The following SYNGR2 variants were observed in gnomAD, a reference collection of about 807,000 sequenced individuals.
SYNGR2 encodes synaptogyrin 2.
In SYNGR2, 11 loss-of-function variants were observed where a neutral mutation model predicts 18.7. The ratio of observed to expected loss-of-function variants is 0.59; its 90% CI spans 0.37 to 0.97. SYNGR2 has a LOEUF of 0.97. Ranked by LOEUF, SYNGR2 falls within the 50% of genes least tolerant of loss-of-function variation. SYNGR2 has a pLI of 0.01. For missense variants in SYNGR2, 253 were observed against 300.7 expected (o/e 0.84, Z 1.17); for synonymous variants, 127 against 131.0 (o/e 0.97, Z 0.21).
chr17:78,171,340 C>T lies in SYNGR2; in HGVS notation c.338-170C>T, dbSNP rs1223297226. 2 of 839,382 alleles carry T rather than the reference C, an allele frequency of 2.4e-6. No homozygotes were observed. Among genetic ancestry groups the T allele is most frequent in the Non-Finnish European group, 1.8e-6 (1 of 556,792 alleles). The allele number at this position is 839,382 out of a possible 1,614,324, so 52.0% of individuals were successfully genotyped here. On this transcript the variant is annotated intron_variant, in intron 2 of 3. Transcript: ENST00000225777. The surrounding 1 kb of genome is among the most constrained non-coding windows in gnomAD (Gnocchi z 6.6). ...TGCTGTGGCCCACCCTGCCAAGGCC[C>T]GAGTGTGGGGGACTTTGGAGGTGGC...
Position 78,170,798 on chromosome 17 carries a change from G to A in SYNGR2, c.100-19G>A. 1 of 1,600,494 alleles carries A rather than the reference G, an allele frequency of 6.2e-7. No homozygotes were observed. The highest frequency in any genetic ancestry group is 8.5e-7 in the Non-Finnish European group (1 of 1,174,202). On this transcript the variant is annotated intron_variant, in intron 1 of 3. Transcript: ENST00000225777. ...CCTCAGGCGGCCACCAGCCCTACCA[G>A]GTCCTCCCCTCCCGGCAGGTCTTCG...
chr17:78,168,889 C>A lies in SYNGR2; in HGVS notation c.99+174C>A, dbSNP rs565386560. Among the ~76,000 whole-genome samples, 1,502 of 152,162 alleles carry A rather than the reference C, an allele frequency of 9.9e-3. 22 individuals carry two copies. Among genetic ancestry groups the A allele is most frequent in the African/African-American group, 0.034 (1,413 of 41,542 alleles). On this transcript the variant is annotated intron_variant, in intron 1 of 3. Coordinates refer to ENST00000225777, the MANE Select transcript of SYNGR2 (RefSeq NM_004710.7). The stretch of plus-strand genomic sequence containing the variant: ...GCCCCGCCTTCCCGCCCTCCACAGT[C>A]TGTCCCGCTGTCCCCTCCCGGTCCC...
chr17:78,171,566 G>A lies in SYNGR2; in HGVS notation c.394G>A (p.Val132Ile). 6.5e-7 allele frequency: 1 copy of A among 1,540,616 alleles called. No homozygotes were observed. Among genetic ancestry groups the A allele is most frequent in the Non-Finnish European group, 8.7e-7 (1 of 1,143,116 alleles). The change falls in exon 3 of 4, where the codon GTC (valine) becomes ATC (isoleucine). Residue 132 changes from valine (V) to isoleucine (I), a missense_variant. Val to Ile is a conservative substitution (Grantham distance 29). Transcript: ENST00000225777. The surrounding 1 kb of genome is among the most constrained non-coding windows in gnomAD (Gnocchi z 6.6). ...GFCFLTNQWAVTNPKDVLVGA... is the reference protein window; with the variant it reads ...GFCFLTNQWAITNPKDVLVGA... ...CTGCTTCCTCACCAACCAGTGGGCA[G>A]TCACCAACCCGAAGGACGTGCTGGT...
chr17:78,171,953 G>T lies in SYNGR2; in HGVS notation c.*17G>T. The T allele has an allele frequency of 6.2e-7, 1 of 1,611,396 alleles. No homozygotes were observed. Among genetic ancestry groups the T allele is most frequent in the Non-Finnish European group, 8.5e-7 (1 of 1,179,926 alleles). On this transcript the variant is annotated 3_prime_UTR_variant, in exon 4 of 4. Transcript: ENST00000225777. This position sits in a 1 kb window ranked among gnomAD's most constrained non-coding sequence, Gnocchi z 6.6. Reference sequence around the variant, plus strand: ...GTGTACTGAGCGGCGGTTAGCGTGGGAAGGGGGACAGAGAGGGCCCTCCCC... The same window carrying T: ...GTGTACTGAGCGGCGGTTAGCGTGGTAAGGGGGACAGAGAGGGCCCTCCCC...
intron 1 of SYNGR2, among the ~76,000 whole-genome samples, chr17:78,169,404 C>T (rs1047680939): frequency 1.3e-5 from 2 of 152,072 alleles, no homozygotes; most frequent in Admixed American, 6.5e-5. Flanking sequence ...TCCTCCAGGG[C>T]GCCCACACCA....
intron 1 of SYNGR2, chr17:78,169,271 T>TGG (rs200608047): frequency 5.4e-4 from 44 of 80,908 alleles, no homozygotes; most frequent in Admixed American, 3.0e-3. Context: ...TGTGTGTGTG[T>TGG]GTGGCGGGGA....
chr17:78,171,664 G>A lies in SYNGR2; in HGVS notation c.477+15G>A, dbSNP rs758527440. 137 of 1,606,360 alleles carry A rather than the reference G, an allele frequency of 8.5e-5. No individual in the cohort carries two copies. Among genetic ancestry groups the A allele is most frequent in the South Asian group, 1.2e-4 (11 of 90,890 alleles). Reference sequence around the variant, plus strand: ...TCTTCTCCTGGGTAGGATGGCCAGGGGCCGGTTCTTGGGTCAAGGGTGGTG... The same window carrying A: ...TCTTCTCCTGGGTAGGATGGCCAGGAGCCGGTTCTTGGGTCAAGGGTGGTG... On this transcript the variant is annotated intron_variant, in intron 3 of 3. Transcript: ENST00000225777. The surrounding 1 kb of genome is among the most constrained non-coding windows in gnomAD (Gnocchi z 6.6).
Position 78,171,820 on chromosome 17 carries a change from G to T in SYNGR2, c.559G>T (p.Asp187Tyr). 1 of 1,614,088 alleles carries T rather than the reference G, an allele frequency of 6.2e-7. No individual in the cohort carries two copies. Among genetic ancestry groups the T allele is most frequent in the Non-Finnish European group, 8.5e-7 (1 of 1,179,998 alleles). Residue 187 changes from aspartate to tyrosine, a missense_variant, in exon 4 of 4, where the codon GAC becomes TAC. Physicochemically the swap from Asp to Tyr is radical, Grantham distance 160. Coordinates refer to ENST00000225777, the MANE Select transcript of SYNGR2 (RefSeq NM_004710.7). This position sits in a 1 kb window ranked among gnomAD's most constrained non-coding sequence, Gnocchi z 6.6. Reference sequence around the variant, plus strand: ...CCAGAATTACGTTGACCCCACTCCGGACCCCAACACTGCCTACGCCTCCTA... The same window carrying T: ...CCAGAATTACGTTGACCCCACTCCGTACCCCAACACTGCCTACGCCTCCTA... ...FIQNYVDPTP[D>Y]PNTAYASYPG...
Position 78,168,733 on chromosome 17 carries a change from G to C in SYNGR2, c.99+18G>C. 2 of 1,194,414 alleles carry C rather than the reference G, an allele frequency of 1.7e-6. No individual in the cohort carries two copies. The highest frequency in any genetic ancestry group is 2.1e-6 in the Non-Finnish European group (2 of 963,924). The allele number at this position is 1,194,414 out of a possible 1,614,324, so 74.0% of individuals were successfully genotyped here. A position where few individuals can be genotyped will look rare whatever the true frequency, so the allele number is the denominator to read the frequency against. On this transcript the variant is annotated intron_variant, in intron 1 of 3. Coordinates refer to ENST00000225777, the MANE Select transcript of SYNGR2 (RefSeq NM_004710.7). The stretch of plus-strand genomic sequence containing the variant: ...TGTGCTTGGTGAGCCCGGGGAGGGC[G>C]GGCCGAGGGCACCCTGGGGACCCCC...
At position 78,170,545 on chromosome 17, in the gene SYNGR2, G is replaced by A. The variant is rs140179687; in HGVS notation, c.100-272G>A. On this transcript the variant is annotated intron_variant, in intron 1 of 3. Coordinates refer to ENST00000225777, the MANE Select transcript of SYNGR2 (RefSeq NM_004710.7). ...GAAACCCTATCTCTACTAAAAATAC[G>A]GGTGTGGTGGAGGGCACCTGTAATC... 3.2e-3 allele frequency: 1,394 copies of A among 441,012 alleles called. 20 individuals are homozygous for A. Among genetic ancestry groups the A allele is most frequent in the African/African-American group, 0.025 (1,259 of 50,546 alleles). 27.3% of individuals were successfully genotyped at this position (441,012 alleles called of 1,614,324 possible).
chr17:78,170,812 G>T lies in SYNGR2; in HGVS notation c.100-5G>T. 1.2e-6 allele frequency: 2 copies of T among 1,604,098 alleles called. No homozygotes were observed. Among genetic ancestry groups the T allele is most frequent in the South Asian group, 2.2e-5 (2 of 90,968 alleles). ...CAGCCCTACCAGGTCCTCCCCTCCC[G>T]GCAGGTCTTCGCCTTGATCGTGTTC... On this transcript the variant is annotated splice_region_variant and splice_polypyrimidine_tract_variant and intron_variant, in intron 1 of 3. Coordinates refer to ENST00000225777, the MANE Select transcript of SYNGR2 (RefSeq NM_004710.7).
chr17:78,171,781 G>A lies in SYNGR2; in HGVS notation c.520G>A (p.Val174Met), dbSNP rs369491388. 31 of 1,613,970 alleles carry A rather than the reference G, an allele frequency of 1.9e-5. No homozygotes were observed. Among genetic ancestry groups the A allele is most frequent in the Non-Finnish European group, 2.2e-5 (26 of 1,180,010 alleles). The change falls in exon 4 of 4, where the codon GTG becomes ATG. Residue 174 changes from valine to methionine, a missense_variant. Val to Met is a conservative substitution (Grantham distance 21). Coordinates refer to ENST00000225777, the MANE Select transcript of SYNGR2 (RefSeq NM_004710.7). The surrounding 1 kb of genome is among the most constrained non-coding windows in gnomAD (Gnocchi z 6.6). ...SLAYQRYKAG[V>M]DDFIQNYVDP... ...GGCCTACCAGCGCTACAAGGCTGGCGTGGACGACTTCATCCAGAATTACGT... is the reference window on the plus strand; with the variant it reads ...GGCCTACCAGCGCTACAAGGCTGGCATGGACGACTTCATCCAGAATTACGT...
chr17:78,172,314 G>A lies in SYNGR2; in HGVS notation c.*378G>A, dbSNP rs1336454405. 1.7e-5 allele frequency: 8 copies of A among 461,434 alleles called. No individual in the cohort carries two copies. The highest frequency in any genetic ancestry group is 3.6e-5 in the East Asian group (1 of 28,048). The allele number at this position is 461,434 out of a possible 1,614,324, so 28.6% of individuals were successfully genotyped here. ...GGCCGTGGGAGCCGCTATTATCTGC[G>A]TTCTCTGCCAAAGACTCGTGGGGGC... On this transcript the variant is annotated 3_prime_UTR_variant, in exon 4 of 4. Transcript: ENST00000225777.
chr17:78,170,717 A>G, intron 1 of SYNGR2, 100 bp from the exon 2 acceptor site: 2 of 974,690 alleles, frequency 2.1e-6, no homozygotes, highest in Non-Finnish European at 3.1e-6. Context: ...AGGGGACAGC[A>G]GTAGTGGGAG....
In SYNGR2 at chr17:78,171,407, G is replaced by A; in HGVS notation, c.338-103G>A. ...AAGTCCTCCCCTCCATAGTGTGGAG[G>A]CTCCCCCGGGAGGTCCCTGCCCTAC... On this transcript the variant is annotated intron_variant, in intron 2 of 3. Coordinates refer to ENST00000225777, the MANE Select transcript of SYNGR2 (RefSeq NM_004710.7). The surrounding 1 kb of genome is among the most constrained non-coding windows in gnomAD (Gnocchi z 6.6). 7.2e-7 allele frequency: 1 copy of A among 1,392,238 alleles called. No individual in the cohort carries two copies. The highest frequency in any genetic ancestry group is 9.7e-7 in the Non-Finnish European group (1 of 1,033,576). The allele number at this position is 1,392,238 out of a possible 1,614,324, so 86.2% of individuals were successfully genotyped here. A position where few individuals can be genotyped will look rare whatever the true frequency, so the allele number is the denominator to read the frequency against.
chr17:78,172,078 C>T lies in SYNGR2; in HGVS notation c.*142C>T, dbSNP rs1467148273. 3 of 1,480,704 alleles carry T rather than the reference C, an allele frequency of 2.0e-6. No homozygotes were observed. The highest frequency in any genetic ancestry group is 1.8e-6 in the Non-Finnish European group (2 of 1,117,448). 91.7% of individuals were successfully genotyped at this position (1,480,704 alleles called of 1,614,324 possible). ...GACACACAGCTAAGGAGCCTCATAG[C>T]CTGGCGGGGGCTGGCAGAGCCACAC... On this transcript the variant is annotated 3_prime_UTR_variant, in exon 4 of 4. Transcript: ENST00000225777.
rs2075656078 is a variant in SYNGR2 at position 78,171,210 on chromosome 17, C to T, written c.337+156C>T. 2 of 767,458 alleles carry T rather than the reference C, an allele frequency of 2.6e-6. No homozygotes were observed. Among genetic ancestry groups the T allele is most frequent in the East Asian group, 5.3e-5 (2 of 38,030 alleles). The allele number at this position is 767,458 out of a possible 1,614,324, so 47.5% of individuals were successfully genotyped here. A position where few individuals can be genotyped will look rare whatever the true frequency, so the allele number is the denominator to read the frequency against. On this transcript the variant is annotated intron_variant, in intron 2 of 3. Coordinates refer to ENST00000225777, the MANE Select transcript of SYNGR2 (RefSeq NM_004710.7). This position sits in a 1 kb window ranked among gnomAD's most constrained non-coding sequence, Gnocchi z 6.6. ...GGTTTTCAGCTAGTGTTTTTCCGTG[C>T]TTGAATGGCACCAGCCCTGCCTGGG... is the stretch of plus-strand genomic sequence containing the variant.
chr17:78,168,609 A>C lies in SYNGR2; in HGVS notation c.-8A>C. ...TTCCGCGGCGGCGGCAGCGGCGGCG[A>C]CGGCGACATGGAGAGCGGGGCCTAC... On this transcript the variant is annotated 5_prime_UTR_variant, in exon 1 of 4. Coordinates refer to ENST00000225777, the MANE Select transcript of SYNGR2 (RefSeq NM_004710.7). 8.4e-7 allele frequency: 1 copy of C among 1,196,224 alleles called. No homozygotes were observed. Among genetic ancestry groups the C allele is most frequent in the Non-Finnish European group, 1.0e-6 (1 of 963,606 alleles). 74.1% of individuals were successfully genotyped at this position (1,196,224 alleles called of 1,614,324 possible).
Position 78,168,728 on chromosome 17 carries a change from AG to A in SYNGR2, c.99+16del. 7.5e-6 allele frequency: 9 copies of A among 1,195,086 alleles called. No homozygotes were observed. The highest frequency in any genetic ancestry group is 9.3e-6 in the Non-Finnish European group (9 of 964,466). The allele number at this position is 1,195,086 out of a possible 1,614,324, so 74.0% of individuals were successfully genotyped here. ...CGCCGTGTGCTTGGTGAGCCCGGGG[AG>A]GGCGGGCCGAGGGCACCCTGGGGAC... On this transcript the variant is annotated intron_variant, in intron 1 of 3. Transcript: ENST00000225777.
Sources: allele counts gnomAD v4.1 joint callset (sites outside exome capture counted in the v4.1 genomes callset), GRCh38; gene constraint gnomAD v4.1.1; non-coding constraint Gnocchi (gnomAD v3.1); transcripts MANE v1.5; gene names NCBI Gene and HGNC (gene_info 2026-07-23, HGNC 2026-07-21).